POR: variants seen among roughly 807,000 people sequenced by gnomAD.
The protein encoded by POR is cytochrome p450 oxidoreductase.
Under a neutral mutation model 84.0 loss-of-function variants are expected in POR, and 56 were observed. The ratio of observed to expected loss-of-function variants is 0.67; its 90% CI spans 0.54 to 0.83. The LOEUF (loss-of-function observed/expected upper bound fraction) is 0.83. Among genes scored for constraint, POR ranks in the 40% least tolerant of loss-of-function variants. The pLI is 0.00. For synonymous variants in POR, 414 were observed against 400.5 expected (o/e 1.03, Z -0.40); for missense variants, 938 against 944.3 (o/e 0.99, Z 0.09).
At chr7:75,953,114 G>A (rs1334903195) in intron 1 of POR, among the ~76,000 whole-genome samples, 1 of 152,142 alleles carries the variant, frequency 6.6e-6, no homozygotes, top group African/African-American at 2.4e-5. Flanking sequence ...GTTAGGAGCT[G>A]GAGACCAGCC....
intron 1 of POR, among the ~76,000 whole-genome samples, chr7:75,950,456 C>A (rs1357743931): frequency 2.0e-5 from 3 of 152,166 alleles, no homozygotes; most frequent in Admixed American, 2.0e-4. Context: ...AGTTTCTTGG[C>A]TGCTGCCTTG....
chr7:75,980,360 G>A lies in POR; in HGVS notation c.388G>A (p.Glu130Lys), dbSNP rs1554557526. The A allele has an allele frequency of 1.2e-6, 2 of 1,613,008 alleles. No individual in the cohort carries two copies. The highest frequency in any genetic ancestry group is 1.7e-5 in the Admixed American group (1 of 60,012). ...GCAGGCCGACCTGAGCAGCCTGCCA[G>A]AGATCGACAACGCCCTGGTGGTTTT... The change falls in exon 5 of 16, where the codon GAG becomes AAG. Residue 130 changes from glutamate to lysine, a missense_variant. By Grantham distance (56) the Glu-to-Lys change is moderately conservative. Coordinates refer to ENST00000461988, the MANE Select transcript of POR (RefSeq NM_000941.3).
At chr7:75,933,657 T>C (rs9769262) in intron 1 of POR, among the ~76,000 whole-genome samples, 11,836 of 152,132 alleles carry the variant, frequency 0.078, 1,432 homozygotes, top group African/African-American at 0.26. Context: ...TCCCAAAGTG[T>C]TGGGATTACA....
chr7:75,983,776 A>G lies in POR; in HGVS notation c.986A>G (p.Asn329Ser). 6.2e-7 allele frequency: 1 copy of G among 1,612,458 alleles called. No homozygotes were observed. Among genetic ancestry groups the G allele is most frequent in the Non-Finnish European group, 8.5e-7 (1 of 1,179,722 alleles). ...GACCACGTGGCTGTGTACCCAGCCA[A>G]CGACTCTGCTCTCGTCAACCAGCTG... The change falls in exon 10 of 16, where the codon AAC becomes AGC. Residue 329 changes from asparagine (N) to serine (S), a missense_variant. Transcript: ENST00000461988.
rs1320059073 is a variant in POR at position 75,985,829 on chromosome 7, G to A, written c.1649G>A (p.Arg550Gln). ...CCCTTCATAGGCTTCATCCAGGAGC[G>A]GGCCTGGCTGCGACAGCAGGGTGAG... The change falls in exon 13 of 16, where the codon CGG (arginine) becomes CAG (glutamine). Residue 550 changes from arginine (R) to glutamine (Q), a missense_variant. Arg to Gln is a conservative substitution (Grantham distance 43). Transcript: ENST00000461988. 34 of 1,551,926 alleles carry A rather than the reference G, an allele frequency of 2.2e-5. No individual in the cohort carries two copies. The highest frequency in any genetic ancestry group is 6.8e-5 in the African/African-American group (5 of 73,750).
chr7:75,956,951 C>T (rs1787712823), intron 2 of POR, among the ~76,000 whole-genome samples: 1 of 152,204 alleles, frequency 6.6e-6, no homozygotes, highest in African/African-American at 2.4e-5. Context: ...GTCTCAAACT[C>T]CCGACCTCAG....
intron 1 of POR, among the ~76,000 whole-genome samples, chr7:75,939,901 C>T (rs1807888636): frequency 6.6e-6 from 1 of 151,622 alleles, no homozygotes. Context: ...AGCCACCGCA[C>T]CTGGCCCTCT....
chr7:75,928,506 G>A (rs1807260595), intron 1 of POR, among the ~76,000 whole-genome samples: 1 of 152,232 alleles, frequency 6.6e-6, no homozygotes, highest in African/African-American at 2.4e-5. Context: ...AAGCATTTAA[G>A]AGCCAGGGCC....
At chr7:75,961,749 C>G (rs1563418662) in intron 2 of POR, among the ~76,000 whole-genome samples, 1 of 152,212 alleles carries the variant, frequency 6.6e-6, no homozygotes, top group Non-Finnish European at 1.5e-5. Context: ...CATGGCGGCT[C>G]ATGCCTGTAA....
chr7:75,984,999 C>T (rs782204609), intron 11 of POR, 41 bp downstream of exon 11: 31 of 1,577,628 alleles, frequency 2.0e-5, no homozygotes, highest in African/African-American at 4.0e-5. Context: ...CCCGTCACCC[C>T]GCCGTTTTCC....
intron 1 of POR, among the ~76,000 whole-genome samples, chr7:75,933,905 T>C (rs369873410): frequency 5.9e-4 from 89 of 151,282 alleles, no homozygotes; most frequent in Middle Eastern, 6.9e-3. Flanking sequence ...GAGTTGCAGA[T>C]ATGACCAAGA....
chr7:75,935,618 CTTGTGTGTGTGTGTGT>C (rs782183268), intron 1 of POR, among the ~76,000 whole-genome samples: 1 of 107,620 alleles, frequency 9.3e-6, no homozygotes, highest in African/African-American at 3.6e-5. Flanking sequence ...CTGCTCGGGG[CTTGTGTGTGTGTGTGT>C]GTGTGTGTGT....
At chr7:75,968,149 C>T (rs948241376) in intron 2 of POR, 1 of 457,970 alleles carries the variant, frequency 2.2e-6, no homozygotes, top group African/African-American at 2.0e-5. Context: ...GACACTGTCC[C>T]TGGCGGCAGA....
chr7:75,959,947 A>G (rs1048999963), intron 2 of POR, among the ~76,000 whole-genome samples: 9 of 152,106 alleles, frequency 5.9e-5, no homozygotes, highest in Admixed American at 2.6e-4. Context: ...GAGGAGTGGT[A>G]ATGAGCAACA....
At chr7:75,956,731 T>C (rs1189908178) in intron 2 of POR, among the ~76,000 whole-genome samples, 1 of 150,298 alleles carries the variant, frequency 6.7e-6, no homozygotes, top group Non-Finnish European at 1.5e-5. Flanking sequence ...GCAACATAGT[T>C]TTTTTTTTTT....
chr7:75,955,981 G>A (rs1194440166), intron 2 of POR, among the ~76,000 whole-genome samples: 3 of 152,160 alleles, frequency 2.0e-5, no homozygotes, highest in African/African-American at 7.2e-5. Context: ...CCATGGACAG[G>A]GAATTAGTTT....
intron 2 of POR, among the ~76,000 whole-genome samples, chr7:75,959,728 T>C (rs1305658703): frequency 6.6e-6 from 1 of 152,188 alleles, no homozygotes; most frequent in Non-Finnish European, 1.5e-5. Flanking sequence ...AATACTGGGA[T>C]TACAGGTGTG....
chr7:75,947,303 C>T (rs1175527213), intron 1 of POR: 1 of 152,312 alleles, frequency 6.6e-6, no homozygotes, highest in Non-Finnish European at 1.5e-5. Flanking sequence ...TTGAGACAGT[C>T]TTGCTCTGTT....
In POR at chr7:75,985,730, G is replaced by C. The variant is rs781813178; in HGVS notation, c.1550G>C (p.Arg517Pro). ...CGTGCGCTGGTGCCCATGTTCGTGC[G>C]CAAGTCCCAGTTCCGCCTGCCCTTC... is the stretch of plus-strand genomic sequence containing the variant. The change falls in exon 13 of 16, where the codon CGC becomes CCC. Residue 517 changes from arginine (R) to proline (P), a missense_variant. Physicochemically the swap from Arg to Pro is moderately radical, Grantham distance 103 (BLOSUM62 -2). Transcript: ENST00000461988. 8.8e-6 allele frequency: 14 copies of C among 1,587,806 alleles called. No individual in the cohort carries two copies. The Admixed American group carries it at 1.6e-4, about 18-fold the overall frequency.
Sources: gnomAD v4.1 joint callset for allele counts (sites outside exome capture counted in the v4.1 genomes callset) on GRCh38, gnomAD v4.1.1 for gene constraint, MANE v1.5 for transcripts, NCBI Gene and HGNC (gene_info 2026-07-23, HGNC 2026-07-21) for gene names.